Variants in SLC71A1 observed in about 807,000 individuals in gnomAD.
SLC71A1 encodes hippocampus abundant gene transcript 1.
the SLC71A1 span, among the ~76,000 whole-genome samples, chr1:100,063,965 T>TA: frequency 2.6e-5 from 4 of 152,298 alleles, no homozygotes; most frequent in African/African-American, 9.6e-5. Context: ...TCAAATGTCT[T>TA]CAGTGACCCT....
At chr1:100,067,959 A>G in the SLC71A1 span, 2 of 1,607,334 alleles carry the variant, frequency 1.2e-6, no homozygotes, top group Non-Finnish European at 1.7e-6. Context: ...ATCTCTGTCT[A>G]TCCTTAATTT....
At chr1:100,038,179 G>C in the SLC71A1 span, 5 of 1,485,044 alleles carry the variant, frequency 3.4e-6, no homozygotes, top group South Asian at 2.4e-5. Flanking sequence ...CTAGCTGCTG[G>C]GGCCTGCCGC....
the SLC71A1 span, among the ~76,000 whole-genome samples, chr1:100,049,550 G>A: frequency 5.3e-5 from 8 of 152,180 alleles, no homozygotes; most frequent in South Asian, 1.0e-3. Flanking sequence ...CCATAATGCC[G>A]CAAGCCTTGG....
chr1:100,065,777 CTCCTT>C, the SLC71A1 span, among the ~76,000 whole-genome samples: 20 of 150,302 alleles, frequency 1.3e-4, no homozygotes, highest in African/African-American at 4.9e-4. Context: ...TTCTCCTCCT[CTCCTT>C]TCCTTTCCTC....
the SLC71A1 span, among the ~76,000 whole-genome samples, chr1:100,059,229 A>G: frequency 7.4e-6 from 1 of 134,786 alleles, no homozygotes; most frequent in Non-Finnish European, 1.5e-5. Context: ...ATCTCAGCTC[A>G]CTGCTGAGAA....
chr1:100,038,307 C>T, the SLC71A1 span: 1 of 1,555,218 alleles, frequency 6.4e-7, no homozygotes, highest in Non-Finnish European at 8.7e-7. Context: ...TCATTAAGGA[C>T]GGAGGCACGG....
chr1:100,047,256 A>G, the SLC71A1 span, among the ~76,000 whole-genome samples: 1 of 152,138 alleles, frequency 6.6e-6, no homozygotes, highest in Non-Finnish European at 1.5e-5. Context: ...GAGAGTTTTT[A>G]TGAAGCAGTG....
chr1:100,060,520 C>G, the SLC71A1 span, among the ~76,000 whole-genome samples: 2 of 152,170 alleles, frequency 1.3e-5, no homozygotes, highest in Non-Finnish European at 2.9e-5. Flanking sequence ...GTTCTTCCAT[C>G]CTCATCTCTC....
chr1:100,065,782 T>C, the SLC71A1 span, among the ~76,000 whole-genome samples: 1 of 151,282 alleles, frequency 6.6e-6, no homozygotes, highest in African/African-American at 2.4e-5. Flanking sequence ...CTCCTCTCCT[T>C]TCCTTTCCTC....
the SLC71A1 span, among the ~76,000 whole-genome samples, chr1:100,048,970 G>A: frequency 7.9e-5 from 12 of 152,112 alleles, no homozygotes; most frequent in African/African-American, 2.4e-4. Context: ...TCTCCCTTCC[G>A]CTATTTATCA....
the SLC71A1 span, among the ~76,000 whole-genome samples, chr1:100,067,735 G>T: frequency 6.6e-6 from 1 of 152,048 alleles, no homozygotes; most frequent in Non-Finnish European, 1.5e-5. Flanking sequence ...TCTTGAGCCT[G>T]AGAGGTCAAG....
At chr1:100,082,197 C>T in the SLC71A1 span, 3 of 1,613,812 alleles carry the variant, frequency 1.9e-6, no homozygotes, top group Non-Finnish European at 2.5e-6. Context: ...TACTCCAGGA[C>T]ACAAATGTGT....
the SLC71A1 span, chr1:100,081,987 C>CT: frequency 1.3e-6 from 2 of 1,596,124 alleles, no homozygotes; most frequent in Non-Finnish European, 1.7e-6. Context: ...ATCCTAATTA[C>CT]TTTATTCTTC....
the SLC71A1 span, chr1:100,057,856 CTGT>C: frequency 3.9e-5 from 6 of 152,194 alleles, no homozygotes; most frequent in East Asian, 1.9e-4. Context: ...TTCCCATTCT[CTGT>C]TGTTATTACT....
the SLC71A1 span, among the ~76,000 whole-genome samples, chr1:100,053,265 A>G: frequency 6.6e-6 from 1 of 151,014 alleles, no homozygotes; most frequent in Non-Finnish European, 1.5e-5. Flanking sequence ...GGGCCCCAGT[A>G]CTCCTCCCAC....
At chr1:100,043,740 A>T in the SLC71A1 span, among the ~76,000 whole-genome samples, 1 of 152,146 alleles carries the variant, frequency 6.6e-6, no homozygotes, top group South Asian at 2.1e-4. Context: ...CTCAAAGTCC[A>T]TTCTATTAGT....
At chr1:100,038,317 G>C in the SLC71A1 span, 1 of 1,553,728 alleles carries the variant, frequency 6.4e-7, no homozygotes, top group South Asian at 1.2e-5. Context: ...CGGAGGCACG[G>C]TGAGCTGAGT....
the SLC71A1 span, among the ~76,000 whole-genome samples, chr1:100,047,500 G>A: frequency 8.3e-4 from 126 of 152,296 alleles, no homozygotes; most frequent in East Asian, 0.016. Context: ...TTGGCTCACC[G>A]CAACTTCCGC....
At chr1:100,051,181 A>C in the SLC71A1 span, among the ~76,000 whole-genome samples, 1 of 151,812 alleles carries the variant, frequency 6.6e-6, no homozygotes, top group Non-Finnish European at 1.5e-5. Context: ...TCACGAGGTC[A>C]AGAGATTGAG....
Sources: allele counts gnomAD v4.1 joint callset (sites outside exome capture counted in the v4.1 genomes callset), GRCh38; gene constraint gnomAD v4.1.1; transcripts MANE v1.5; gene names NCBI Gene and HGNC (gene_info 2026-07-23, HGNC 2026-07-21).